The following SLC23A2 variants were observed in gnomAD, a reference collection of about 807,000 sequenced individuals.
SLC23A2 encodes the protein Na(+)/L-ascorbic acid transporter 2.
In SLC23A2, 36 loss-of-function variants were observed where a neutral mutation model predicts 73.3. The observed-to-expected ratio is 0.49, with a 90% confidence interval of 0.38 to 0.65. The LOEUF (loss-of-function observed/expected upper bound fraction) is 0.65. Ranked by LOEUF, SLC23A2 falls within the 30% of genes least tolerant of loss-of-function variation. SLC23A2 has a pLI of 0.00. For missense variants in SLC23A2, 507 were observed against 841.6 expected, an observed-to-expected ratio of 0.60 and a Z score of 4.92; for synonymous variants, 343 against 327.3, an observed-to-expected ratio of 1.05 and a Z score of -0.52.
chr20:4,911,640 A>G (rs544246239), intron 4 of SLC23A2, among the ~76,000 whole-genome samples: 2 of 152,308 alleles, frequency 1.3e-5, no homozygotes, highest in South Asian at 4.1e-4. Flanking sequence ...ATGTCAGCTG[A>G]AAATTAGTAA....
chr20:4,916,917 A>AT (rs1324001833), intron 3 of SLC23A2, among the ~76,000 whole-genome samples: 1 of 152,220 alleles, frequency 6.6e-6, no homozygotes, highest in Admixed American at 6.5e-5. Flanking sequence ...TAAGCTATGA[A>AT]TTGCCAGTAG....
intron 1 of SLC23A2, among the ~76,000 whole-genome samples, chr20:4,988,060 A>G (rs942351650): frequency 1.6e-4 from 25 of 151,640 alleles, no homozygotes; most frequent in Non-Finnish European, 2.8e-4. Context: ...GCACTTTGGG[A>G]GGCCAAGGCA....
rs1013767624 is a variant in SLC23A2, at chr20:4,857,285, C to CACACACAT, written c.1721-82_1721-81insATGTGTGT. ...AAATGAAACTGTCGTCAAACACATA[C>CACACACAT]ACACACACACACACACACACACACA... On this transcript the variant is annotated intron_variant, in intron 16 of 16. Coordinates refer to ENST00000338244, the MANE Select transcript of SLC23A2 (RefSeq NM_005116.6). The surrounding 1 kb of genome is among the most constrained non-coding windows in gnomAD (Gnocchi z 4.0). The CACACACAT allele has an allele frequency of 2.2e-5, 1 of 46,316 alleles. No homozygotes were observed. Among genetic ancestry groups the CACACACAT allele is most frequent in the Non-Finnish European group, 4.1e-5 (1 of 24,414 alleles). The allele number at this position is 46,316 out of a possible 1,614,324, so 2.9% of individuals were successfully genotyped here.
At chr20:4,989,459 T>G (rs1476822337) in intron 1 of SLC23A2, among the ~76,000 whole-genome samples, 1 of 152,082 alleles carries the variant, frequency 6.6e-6, no homozygotes, top group Admixed American at 6.6e-5. Context: ...TCATTTATGT[T>G]TCATATACGC....
chr20:4,877,274 CTT>C (rs1488959222), intron 9 of SLC23A2, among the ~76,000 whole-genome samples: 1 of 152,266 alleles, frequency 6.6e-6, no homozygotes, highest in South Asian at 2.1e-4. Flanking sequence ...AATACTCAGT[CTT>C]TTCACGTTGA....
intron 2 of SLC23A2, among the ~76,000 whole-genome samples, chr20:4,935,671 C>G (rs1023318476): frequency 1.3e-5 from 2 of 151,890 alleles, no homozygotes; most frequent in Non-Finnish European, 2.9e-5. Context: ...TGGTGGCGGG[C>G]GCCTGTAGTC....
intron 6 of SLC23A2, among the ~76,000 whole-genome samples, chr20:4,888,040 C>G (rs1600101682): frequency 6.6e-6 from 1 of 152,326 alleles, no homozygotes; most frequent in East Asian, 1.9e-4. Flanking sequence ...AGGCACGGCC[C>G]CTGTCGTACT....
At chr20:4,904,140 A>AT (rs911301903) in intron 4 of SLC23A2, among the ~76,000 whole-genome samples, 20 of 152,186 alleles carry the variant, frequency 1.3e-4, no homozygotes, top group African/African-American at 3.9e-4. Context: ...GTTTATACAT[A>AT]TTTTTTTACC....
chr20:5,004,818 G>A (rs1345192595), upstream of SLC23A2, among the ~76,000 whole-genome samples: 1 of 152,108 alleles, frequency 6.6e-6, no homozygotes. Context: ...TGACCAACAT[G>A]GAGAAACCCT....
chr20:4,878,292 T>C (rs909979701), intron 9 of SLC23A2, among the ~76,000 whole-genome samples: 3 of 152,164 alleles, frequency 2.0e-5, no homozygotes, highest in Non-Finnish European at 4.4e-5. Context: ...GTTCAAGTGA[T>C]TCATGTGCCT....
intron 13 of SLC23A2, among the ~76,000 whole-genome samples, chr20:4,867,477 C>T (rs185178436): frequency 6.6e-6 from 1 of 152,274 alleles, no homozygotes; most frequent in Admixed American, 6.5e-5. Flanking sequence ...TTTTAATTCA[C>T]TGATGTATCC....
chr20:4,919,643 GCACTTCAAACAT>G (rs1932438946), intron 3 of SLC23A2, among the ~76,000 whole-genome samples: 1 of 152,172 alleles, frequency 6.6e-6, no homozygotes, highest in Non-Finnish European at 1.5e-5. Flanking sequence ...ACTAGGTTGG[GCACTTCAAACAT>G]CTTCCCTGCT....
At chr20:4,917,935 A>AT (rs1932383827) in intron 3 of SLC23A2, among the ~76,000 whole-genome samples, 1 of 152,074 alleles carries the variant, frequency 6.6e-6, no homozygotes, top group South Asian at 2.1e-4. Context: ...CCTTACCAAC[A>AT]TTTTTTCCTT....
chr20:4,934,826 G>A (rs2086935725), intron 2 of SLC23A2, among the ~76,000 whole-genome samples: 1 of 151,298 alleles, frequency 6.6e-6, no homozygotes, highest in South Asian at 2.1e-4. Flanking sequence ...TTGCGCCATT[G>A]TACTCCAGCC....
intron 2 of SLC23A2, among the ~76,000 whole-genome samples, chr20:4,958,620 G>C (rs991377875): frequency 6.6e-6 from 1 of 151,724 alleles, no homozygotes; most frequent in Non-Finnish European, 1.5e-5. Context: ...TAGAGATGAG[G>C]TTTCACCATG....
At position 4,863,811 on chromosome 20, in the gene SLC23A2, C is replaced by T. The variant is rs1600076938; in HGVS notation, c.1357-904G>A. ...CAGATCCTAGATGCATCCTTTTAAA[C>T]ATCACCCAAATGCTCCTCTGAAAAG... On this transcript the variant is annotated intron_variant, in intron 13 of 16. Transcript: ENST00000338244. This position sits in a 1 kb window ranked among gnomAD's most constrained non-coding sequence, Gnocchi z 4.8. Among the ~76,000 whole-genome samples the T allele has an allele frequency of 6.6e-6, 1 of 152,348 alleles. No homozygotes were observed. Among genetic ancestry groups the T allele is most frequent in the Non-Finnish European group, 1.5e-5 (1 of 68,036 alleles).
At chr20:4,888,391 G>A (rs1931187603) in intron 6 of SLC23A2, among the ~76,000 whole-genome samples, 1 of 152,234 alleles carries the variant, frequency 6.6e-6, no homozygotes, top group South Asian at 2.1e-4. Context: ...TGTCTACAGG[G>A]AAAATATATC....
At chr20:4,867,672 CA>C (rs1450937649) in intron 13 of SLC23A2, 97 bp downstream of exon 13, 3 of 489,140 alleles carry the variant, frequency 6.1e-6, no homozygotes, top group Non-Finnish European at 1.1e-5. Flanking sequence ...TTTTTAGAAC[CA>C]GAGGCCCGCC....
chr20:4,912,116 A>G (rs1294285029), intron 4 of SLC23A2, among the ~76,000 whole-genome samples: 1 of 150,024 alleles, frequency 6.7e-6, no homozygotes, highest in Non-Finnish European at 1.5e-5. Flanking sequence ...AAGTATTGGG[A>G]TTATAGGTGT....
Sources: allele counts gnomAD v4.1 joint callset (sites outside exome capture counted in the v4.1 genomes callset), GRCh38; gene constraint gnomAD v4.1.1; non-coding constraint Gnocchi (gnomAD v3.1); transcripts MANE v1.5; gene names NCBI Gene and HGNC (gene_info 2026-07-23, HGNC 2026-07-21).